Variants in KANSL1L observed in about 807,000 individuals in gnomAD.
KANSL1L encodes KAT8 regulatory NSL complex subunit 1 like.
Under a neutral mutation model 108.6 loss-of-function variants are expected in KANSL1L, and 25 were observed. That is an observed-to-expected ratio of 0.23 (90% confidence interval 0.17 to 0.32). The LOEUF is 0.32. KANSL1L is among the 10% of genes least tolerant of loss of function. The pLI, the probability that KANSL1L is intolerant of heterozygous loss-of-function variation, is 1.00. For missense variants in KANSL1L, 1,137 were observed against 1,125.7 expected (o/e 1.01, Z -0.14); for synonymous variants, 405 against 395.1 (o/e 1.03, Z -0.30).
chr2:210,066,210 CAGAG>C (rs905332265), intron 6 of KANSL1L, among the ~76,000 whole-genome samples: 7 of 152,132 alleles, frequency 4.6e-5, no homozygotes, highest in African/African-American at 7.2e-5. Flanking sequence ...TTGGGAGGCA[CAGAG>C]AGTGAAGGAA....
intron 2 of KANSL1L, among the ~76,000 whole-genome samples, chr2:210,133,019 A>T (rs562819106): frequency 2.0e-5 from 3 of 152,068 alleles, no homozygotes; most frequent in African/African-American, 7.2e-5. Flanking sequence ...TCATTGTGTC[A>T]GTTTGGTCAT....
Position 210,153,564 on chromosome 2 carries a change from T to C in KANSL1L, c.1019A>G (p.Asp340Gly), listed in dbSNP as rs2095316472. 6.2e-7 allele frequency: 1 copy of C among 1,614,020 alleles called. No individual in the cohort carries two copies. The highest frequency in any genetic ancestry group is 1.1e-5 in the South Asian group (1 of 91,084). ...GLLSHVEEGL[D>G]SDATDSSSDD... ...AGAGCTGCTATCAGTTGCATCGGAA[T>C]CCAAACCCTCTTCAACATGAGACAA... The change falls in exon 2 of 15, where the codon GAT becomes GGT. Residue 340 changes from aspartate to glycine, a missense_variant. This residue lies in a region of KANSL1L where 556 missense variants were observed against 537.7 expected (regional missense o/e 1.03). Transcript: ENST00000281772.
chr2:210,085,062 C>T (rs1435550676), intron 5 of KANSL1L, among the ~76,000 whole-genome samples: 1 of 151,976 alleles, frequency 6.6e-6, no homozygotes, highest in Non-Finnish European at 1.5e-5. Flanking sequence ...TTGAGACAAG[C>T]AGAAATTTGA....
At chr2:210,108,494 G>A (rs2094872681) in intron 3 of KANSL1L, among the ~76,000 whole-genome samples, 1 of 152,060 alleles carries the variant, frequency 6.6e-6, no homozygotes, top group South Asian at 2.1e-4. Flanking sequence ...TTAAGTTAAA[G>A]GATTATGAAT....
intron 6 of KANSL1L, among the ~76,000 whole-genome samples, chr2:210,049,288 C>A (rs1014961509): frequency 6.6e-6 from 1 of 151,878 alleles, no homozygotes; most frequent in Non-Finnish European, 1.5e-5. Flanking sequence ...CTTCCACCCC[C>A]CCACCCCTCC....
chr2:210,171,308 GCC>G lies in KANSL1L; in HGVS notation c.-191_-190del. 2.1e-3 allele frequency: 1 copy of G among 486 alleles called. No homozygotes were observed. The highest frequency in any genetic ancestry group is 6.7e-3 in the Non-Finnish European group (1 of 150). The allele number at this position is 486 out of a possible 1,614,324, so 0.0% of individuals were successfully genotyped here. A position where few individuals can be genotyped will look rare whatever the true frequency, so the allele number is the denominator to read the frequency against. On this transcript the variant is annotated 5_prime_UTR_variant, in exon 1 of 15. Transcript: ENST00000281772. ...CGCTCCCGCCCCGGCCGCCGCCGCC[GCC>G]GCCGCCGCCGCCGCCGCCGCCGCCG...
chr2:210,096,347 T>G, intron 5 of KANSL1L: 1 of 221,920 alleles, frequency 4.5e-6, no homozygotes, highest in Non-Finnish European at 7.6e-6. Context: ...AGTTACATGT[T>G]TCACCAACCA....
In KANSL1L at chr2:210,171,397, C is replaced by T. The variant is rs1688331961; in HGVS notation, c.-278G>A. On this transcript the variant is annotated 5_prime_UTR_variant, in exon 1 of 15. Coordinates refer to ENST00000281772, the MANE Select transcript of KANSL1L (RefSeq NM_152519.4). ...TCCGTGCGGCTCGGGGGGACGGAAC[C>T]CTGCCGCGGTCTGGGAGCAGTGGGC... The T allele has an allele frequency of 6.1e-6, 1 of 162,972 alleles. No homozygotes were observed. Among genetic ancestry groups the T allele is most frequent in the Non-Finnish European group, 1.3e-5 (1 of 75,934 alleles). 10.1% of individuals were successfully genotyped at this position (162,972 alleles called of 1,614,324 possible). A position where few individuals can be genotyped will look rare whatever the true frequency, so the allele number is the denominator to read the frequency against.
chr2:210,079,050 A>C (rs2094562129), intron 5 of KANSL1L, among the ~76,000 whole-genome samples: 1 of 152,290 alleles, frequency 6.6e-6, no homozygotes, highest in East Asian at 1.9e-4. Flanking sequence ...TCCTGGGCTC[A>C]AGGGATCCTC....
chr2:210,033,689 C>A (rs62201606), intron 8 of KANSL1L, among the ~76,000 whole-genome samples: 8,568 of 121,938 alleles, frequency 0.07, 341 homozygotes, highest in Non-Finnish European at 0.099. Flanking sequence ...GCCACCACGC[C>A]CGGCTATTTT....
rs140027211 is a variant in KANSL1L at position 210,069,882 on chromosome 2, G to A, written c.1755+5670C>T. ...CTCACTCTGTCACCCAGGCTGGAGTGCAGTGGTAGGATCTCTGCTCACGGT... is the reference window on the plus strand; with the variant it reads ...CTCACTCTGTCACCCAGGCTGGAGTACAGTGGTAGGATCTCTGCTCACGGT... On this transcript the variant is annotated intron_variant, in intron 6 of 14. Coordinates refer to ENST00000281772, the MANE Select transcript of KANSL1L (RefSeq NM_152519.4). 0.01 allele frequency among the ~76,000 whole-genome samples: 1,207 copies of A among 116,734 alleles called. 13 individuals are homozygous for A. In the Middle Eastern group the frequency reaches 0.15, roughly 15 times the overall value. 76.6% of individuals were successfully genotyped at this position (116,734 alleles called of 152,430 possible). A position where few individuals can be genotyped will look rare whatever the true frequency, so the allele number is the denominator to read the frequency against.
intron 8 of KANSL1L, among the ~76,000 whole-genome samples, chr2:210,038,711 C>T (rs1365437625): frequency 6.6e-6 from 1 of 151,812 alleles, no homozygotes; most frequent in Non-Finnish European, 1.5e-5. Context: ...GTTTTTAATT[C>T]TTCCAAAGAG....
chr2:210,055,491 T>C (rs2094340282), intron 6 of KANSL1L, among the ~76,000 whole-genome samples: 1 of 152,150 alleles, frequency 6.6e-6, no homozygotes, highest in Non-Finnish European at 1.5e-5. Flanking sequence ...ATGGGTAAGT[T>C]TGGAACTTCC....
chr2:210,132,626 C>T (rs6761902), intron 2 of KANSL1L, among the ~76,000 whole-genome samples: 144,312 of 152,284 alleles, frequency 0.95, 68,845 homozygotes, highest in East Asian at 1. Flanking sequence ...TTGGTACTAA[C>T]TGTCAACATC....
At chr2:210,027,372 T>G in intron 11 of KANSL1L, 22 bp from the exon 12 acceptor site, 1 of 1,563,038 alleles carries the variant, frequency 6.4e-7, no homozygotes, top group Admixed American at 1.7e-5. Context: ...AAAAACCAAT[T>G]TTAAACAGCT....
intron 2 of KANSL1L, among the ~76,000 whole-genome samples, chr2:210,133,559 A>C (rs7586674): frequency 0.93 from 140,791 of 151,966 alleles, 66,185 homozygotes; most frequent in East Asian, 1. Context: ...GTGAATATCC[A>C]CTCTTTATCA....
At chr2:210,101,878 ACTCAGGAAAATTAG>A (rs1481540309) in intron 4 of KANSL1L, among the ~76,000 whole-genome samples, 4 of 152,288 alleles carry the variant, frequency 2.6e-5, no homozygotes, top group African/African-American at 9.6e-5. Context: ...TGTCAGAAAA[ACTCAGGAAAATTAG>A]ATGCAAGCAG....
intron 2 of KANSL1L, among the ~76,000 whole-genome samples, 187 bp from the exon 3 acceptor site, chr2:210,129,359 C>T (rs1052127738): frequency 9.9e-5 from 15 of 152,274 alleles, no homozygotes; most frequent in African/African-American, 3.4e-4. Context: ...TACCTTTCCA[C>T]CCCACAAATA....
intron 6 of KANSL1L, among the ~76,000 whole-genome samples, chr2:210,050,019 T>C (rs1379192145): frequency 6.6e-6 from 1 of 152,068 alleles, no homozygotes; most frequent in Non-Finnish European, 1.5e-5. Context: ...AAGTAGGGAG[T>C]AGCAGTCTAG....
Sources: gnomAD v4.1 joint callset for allele counts (sites outside exome capture counted in the v4.1 genomes callset) on GRCh38, gnomAD v4.1.1 for gene constraint, gnomAD v4.1.1 regional missense constraint, MANE v1.5 for transcripts, NCBI Gene and HGNC (gene_info 2026-07-23, HGNC 2026-07-21) for gene names.